IFT140: variants seen among roughly 807,000 people sequenced by gnomAD.
IFT140 encodes the protein intraflagellar transport protein 140 homolog.
Under a neutral mutation model 164.6 loss-of-function variants are expected in IFT140, and 133 were observed. That is an observed-to-expected ratio of 0.81 (90% CI 0.70 to 0.93). The LOEUF (loss-of-function observed/expected upper bound fraction) is 0.93. IFT140 is among the 40% of genes least tolerant of loss of function. The probability of loss-of-function intolerance (pLI) is 0.00; values close to 1 mark genes in which losing one functional copy is unlikely to be tolerated. For missense variants in IFT140, 2,045 were observed against 1,972.3 expected (o/e 1.04, Z -0.70); for synonymous variants, 860 against 817.3 (o/e 1.05, Z -0.89).
chr16:1,596,390 T>TA (rs1388729888), intron 4 of IFT140, among the ~76,000 whole-genome samples: 2 of 152,184 alleles, frequency 1.3e-5, no homozygotes, highest in African/African-American at 4.8e-5. Flanking sequence ...TATTAGCACA[T>TA]ACGAGCTTCT....
intron 4 of IFT140, among the ~76,000 whole-genome samples, chr16:1,593,253 G>A (rs1005616580): frequency 2.0e-5 from 3 of 152,100 alleles, no homozygotes; most frequent in African/African-American, 7.2e-5. Flanking sequence ...CTTCTACAGA[G>A]CGTCTCCACA....
chr16:1,587,687 C>A (rs1002225847), intron 8 of IFT140, among the ~76,000 whole-genome samples: 1 of 152,204 alleles, frequency 6.6e-6, no homozygotes, highest in Non-Finnish European at 1.5e-5. Context: ...CGGGCAAACA[C>A]CAAGGCAGGG....
rs2035068213 is a variant in IFT140 at position 1,589,592 on chromosome 16, C to A, written c.810+13G>T. 1 of 1,610,344 alleles carries A rather than the reference C, an allele frequency of 6.2e-7. No individual in the cohort carries two copies. Among genetic ancestry groups the A allele is most frequent in the South Asian group, 1.1e-5 (1 of 90,984 alleles). On this transcript the variant is annotated intron_variant, in intron 7 of 30. Coordinates refer to ENST00000426508, the MANE Select transcript of IFT140 (RefSeq NM_014714.4). ...GATCCCCAGCGTGAGCCCCCAAGCC[C>A]ACTCCCACTCACCTTCATCACTTCT...
chr16:1,606,041 G>C (rs1363272905), intron 3 of IFT140, among the ~76,000 whole-genome samples: 2 of 152,200 alleles, frequency 1.3e-5, no homozygotes, highest in East Asian at 1.9e-4. Context: ...GAGCACCAAG[G>C]CTTGCTGGGA....
At chr16:1,589,826 C>T (rs1252138715) in intron 6 of IFT140, 46 bp from the exon 7 acceptor site, 6 of 1,535,584 alleles carry the variant, frequency 3.9e-6, no homozygotes, top group Non-Finnish European at 5.4e-6. Context: ...CCTGGTTTAT[C>T]TGCTTCCATG....
At position 1,515,202 on chromosome 16, in the gene IFT140, A is replaced by C. The variant is rs534142952; in HGVS notation, c.4182+3014T>G. ...TATAGATCCCAAAAGCCCAGGATAA[A>C]TACAATGAAAACACCTAGGAACATC... On this transcript the variant is annotated intron_variant, in intron 30 of 30. Transcript: ENST00000426508. Among the ~76,000 whole-genome samples the C allele has an allele frequency of 1.4e-4, 22 of 152,324 alleles. No homozygotes were observed. In the South Asian group the frequency reaches 4.6e-3, roughly 32 times the overall value.
rs889814834 is a variant in IFT140, at chr16:1,583,697, A to AT, written c.1360-312dup. 1.0e-4 allele frequency among the ~76,000 whole-genome samples: 15 copies of AT among 147,780 alleles called. 1 individual carries two copies. The South Asian group carries it at 1.1e-3, about 11-fold the overall frequency. ...TTTTTAAATTTATTGTTTAACTGAC[A>AT]TTTTTTTTAATTTATAAGGGTACAT... On this transcript the variant is annotated intron_variant, in intron 11 of 30. Coordinates refer to ENST00000426508, the MANE Select transcript of IFT140 (RefSeq NM_014714.4).
At chr16:1,576,108 A>C (rs1447824445) in intron 13 of IFT140, among the ~76,000 whole-genome samples, 1 of 151,964 alleles carries the variant, frequency 6.6e-6, no homozygotes, top group Non-Finnish European at 1.5e-5. Flanking sequence ...CAATATGGTG[A>C]AACCCCATCT....
At chr16:1,546,410 CT>C (rs2032175474) in intron 19 of IFT140, among the ~76,000 whole-genome samples, 1 of 152,202 alleles carries the variant, frequency 6.6e-6, no homozygotes, top group African/African-American at 2.4e-5. Flanking sequence ...GGCTCTGCCC[CT>C]GGTCAGCTGT....
chr16:1,602,516 C>G lies in IFT140; in HGVS notation c.223G>C (p.Val75Leu). ...CCAGTCTCCCAGCCCACAGCCAGCACCAGCCGCGTCGGGTGCCAGCACAGG... is the reference window on the plus strand; with the variant it reads ...CCAGTCTCCCAGCCCACAGCCAGCAGCAGCCGCGTCGGGTGCCAGCACAGG... ...ASLCWHPTRL[V>L]LAVGWETGEV... is the part of the protein sequence containing the mutation. Residue 75 changes from valine (V) to leucine (L), a missense_variant, in exon 4 of 31, where the codon GTG (valine) becomes CTG (leucine). By Grantham distance (32) the Val-to-Leu change is conservative. Coordinates refer to ENST00000426508, the MANE Select transcript of IFT140 (RefSeq NM_014714.4). 5.0e-6 allele frequency: 8 copies of G among 1,614,168 alleles called. No homozygotes were observed. Among genetic ancestry groups the G allele is most frequent in the Non-Finnish European group, 6.8e-6 (8 of 1,180,038 alleles).
intron 19 of IFT140, among the ~76,000 whole-genome samples, chr16:1,530,133 CTT>C (rs922819138): frequency 7.9e-3 from 695 of 88,482 alleles, no homozygotes; most frequent in Middle Eastern, 0.039. Context: ...CGACGGGAAT[CTT>C]TTTTTTTTTT....
At chr16:1,541,559 C>T (rs936214842) in intron 19 of IFT140, 7 of 941,134 alleles carry the variant, frequency 7.4e-6, no homozygotes, top group Non-Finnish European at 8.9e-6. Flanking sequence ...TGCTGGTGGG[C>T]TTCCCCTTCC....
chr16:1,583,810 T>C (rs908640546), intron 11 of IFT140, among the ~76,000 whole-genome samples: 18 of 152,140 alleles, frequency 1.2e-4, no homozygotes, highest in Admixed American at 4.6e-4. Flanking sequence ...AGTGGCACGA[T>C]CTCAGCTCAC....
At chr16:1,526,254 G>C (rs1022338488) in intron 20 of IFT140, 177 bp from the exon 21 acceptor site, 1 of 647,926 alleles carries the variant, frequency 1.5e-6, no homozygotes, top group Non-Finnish European at 2.6e-6. Context: ...CCGTCCCACG[G>C]CTGGAGAGTG....
At position 1,564,689 on chromosome 16, in the gene IFT140, G is replaced by A. The variant is rs373504230; in HGVS notation, c.1902-527C>T. Among the ~76,000 whole-genome samples, 1 of 152,158 alleles carries A rather than the reference G, an allele frequency of 6.6e-6. No individual in the cohort carries two copies. Among genetic ancestry groups the A allele is most frequent in the East Asian group, 1.9e-4 (1 of 5,190 alleles). On this transcript the variant is annotated intron_variant, in intron 16 of 30. Coordinates refer to ENST00000426508, the MANE Select transcript of IFT140 (RefSeq NM_014714.4). This position sits in a 1 kb window ranked among gnomAD's most constrained non-coding sequence, Gnocchi z 5.5. ...GAAACACAATGATGTGCCGGCAGAC[G>A]ACACACAAGGTTTCAAGAGAGAGCA...
chr16:1,526,617 ACCAGCATGCCCAGCTGCGTGG>A lies in IFT140; in HGVS notation c.2558_2577+1del, dbSNP rs1214503057. 6.6e-7 allele frequency: 1 copy of A among 1,508,622 alleles called. No homozygotes were observed. The allele number at this position is 1,508,622 out of a possible 1,614,324, so 93.5% of individuals were successfully genotyped here. On this transcript the variant is annotated splice_donor_variant and coding_sequence_variant, in exon 20 of 31. Coordinates refer to ENST00000426508, the MANE Select transcript of IFT140 (RefSeq NM_014714.4). LOFTEE classifies it high-confidence loss of function. Reference sequence around the variant, plus strand: ...ACCCACCCCATGGCGGGCGCCCCTCACCAGCATGCCCAGCTGCGTGGCCAGCACGGCCACGCGGGCCTCTAG... The same window carrying A: ...ACCCACCCCATGGCGGGCGCCCCTCACCAGCACGGCCACGCGGGCCTCTAG...
chr16:1,581,764 G>GGGAGGGGAGGGGAGC (rs1175383106), intron 12 of IFT140, among the ~76,000 whole-genome samples: 1 of 95,700 alleles, frequency 1.0e-5, no homozygotes, highest in Non-Finnish European at 2.2e-5. Flanking sequence ...GCGGGGGGTG[G>GGGAGGGGAGGGGAGC]GGAGGGGAGG....
rs1432104819 is a variant in IFT140, at chr16:1,510,650, T to C, written c.*294A>G. 2.0e-6 allele frequency: 1 copy of C among 500,372 alleles called. No individual in the cohort carries two copies. Among genetic ancestry groups the C allele is most frequent in the Non-Finnish European group, 3.6e-6 (1 of 280,116 alleles). 31.0% of individuals were successfully genotyped at this position (500,372 alleles called of 1,614,324 possible). The stretch of plus-strand genomic sequence containing the variant: ...GAGGTTCTAGAAGTTTCTCAGGCTT[T>C]ACAATGTGTAGTTGGGAGAATACGA... On this transcript the variant is annotated 3_prime_UTR_variant, in exon 31 of 31. Transcript: ENST00000426508.
intron 30 of IFT140, among the ~76,000 whole-genome samples, chr16:1,517,242 T>C (rs745959241): frequency 6.0e-5 from 9 of 150,380 alleles, no homozygotes; most frequent in South Asian, 2.1e-4. Context: ...CCCAGCTACT[T>C]GGGAGGCTGA....
Sources: allele counts gnomAD v4.1 joint callset (sites outside exome capture counted in the v4.1 genomes callset), GRCh38; gene constraint gnomAD v4.1.1; non-coding constraint Gnocchi (gnomAD v3.1); transcripts MANE v1.5; gene names NCBI Gene and HGNC (gene_info 2026-07-23, HGNC 2026-07-21).